The following JAM2 variants were observed in gnomAD, a reference collection of about 807,000 sequenced individuals.
JAM2 encodes the protein junctional adhesion molecule B.
JAM2 carries 17 observed loss-of-function variants against 42.0 expected under a neutral mutation model. The observed-to-expected ratio is 0.40, with a 90% CI of 0.28 to 0.61. JAM2 has a LOEUF of 0.61. Among genes scored for constraint, JAM2 ranks in the 20% least tolerant of loss-of-function variants. The pLI, the probability that JAM2 is intolerant of heterozygous loss-of-function variation, is 0.37. For missense variants in JAM2, 319 were observed against 358.3 expected, an observed-to-expected ratio of 0.89 and a Z score of 0.89; for synonymous variants, 118 against 128.6, an observed-to-expected ratio of 0.92 and a Z score of 0.56.
At chr21:25,701,567 G>A (rs1166732637) in intron 5 of JAM2, among the ~76,000 whole-genome samples, 1 of 152,012 alleles carries the variant, frequency 6.6e-6, no homozygotes, top group Non-Finnish European at 1.5e-5. Context: ...CTTAGCTTTT[G>A]GTTGCTTTGA....
At chr21:25,654,302 A>G (rs897409787) in intron 1 of JAM2, among the ~76,000 whole-genome samples, 3 of 152,196 alleles carry the variant, frequency 2.0e-5, no homozygotes, top group Admixed American at 1.3e-4. Context: ...TTTACAATGG[A>G]AGGATCAGTC....
intron 1 of JAM2, among the ~76,000 whole-genome samples, chr21:25,647,259 G>A (rs2032641360): frequency 6.6e-6 from 1 of 152,134 alleles, no homozygotes; most frequent in Non-Finnish European, 1.5e-5. Context: ...CAAGAAATAA[G>A]TCTCCTTTCC....
At chr21:25,644,700 C>T (rs531219848) in intron 1 of JAM2, among the ~76,000 whole-genome samples, 2 of 152,282 alleles carry the variant, frequency 1.3e-5, no homozygotes, top group East Asian at 3.9e-4. Context: ...ATGTGGACAT[C>T]TTTGTGGGGC....
chr21:25,700,105 C>T (rs946594794), intron 5 of JAM2, among the ~76,000 whole-genome samples: 6 of 152,040 alleles, frequency 3.9e-5, no homozygotes, highest in Non-Finnish European at 8.8e-5. Context: ...ATACTGATGA[C>T]AATCTATAAG....
At chr21:25,667,480 A>G (rs1385793093) in intron 1 of JAM2, among the ~76,000 whole-genome samples, 1 of 152,218 alleles carries the variant, frequency 6.6e-6, no homozygotes, top group African/African-American at 2.4e-5. Context: ...CATTCACATA[A>G]TTCTTATTCA....
intron 4 of JAM2, among the ~76,000 whole-genome samples, chr21:25,696,697 C>T (rs113010377): frequency 2.0e-5 from 3 of 152,218 alleles, no homozygotes; most frequent in African/African-American, 7.2e-5. Context: ...TGTTTCCAGG[C>T]TCATTCTTGG....
intron 5 of JAM2, among the ~76,000 whole-genome samples, chr21:25,701,896 G>A (rs377689674): frequency 6.7e-6 from 1 of 150,274 alleles, no homozygotes; most frequent in Non-Finnish European, 1.5e-5. Context: ...AACACTCATT[G>A]CCTTCCTAAC....
At chr21:25,687,231 G>A (rs1475237075) in intron 2 of JAM2, among the ~76,000 whole-genome samples, 2 of 149,566 alleles carry the variant, frequency 1.3e-5, no homozygotes, top group African/African-American at 4.9e-5. Flanking sequence ...ATGTAAGGTG[G>A]TGCCATGTGC....
intron 1 of JAM2, among the ~76,000 whole-genome samples, chr21:25,681,282 C>A (rs960204025): frequency 6.6e-6 from 1 of 152,126 alleles, no homozygotes; most frequent in African/African-American, 2.4e-5. Context: ...TAAAGACATA[C>A]CCGAGACTGG....
At chr21:25,705,592 G>C (rs1194603057) in intron 6 of JAM2, among the ~76,000 whole-genome samples, 1 of 152,118 alleles carries the variant, frequency 6.6e-6, no homozygotes, top group Non-Finnish European at 1.5e-5. Context: ...TGACACAGTT[G>C]ATGATGTAGG....
intron 1 of JAM2, among the ~76,000 whole-genome samples, chr21:25,655,483 C>CT (rs35503919): frequency 0.15 from 20,128 of 129,904 alleles, 2,652 homozygotes; most frequent in African/African-American, 0.36. Context: ...AACATCAGCT[C>CT]TTTTTTTTTT....
In JAM2 at chr21:25,693,844, A is replaced by T. The variant is rs764021326; in HGVS notation, c.330A>T (p.Glu110Asp). The T allele has an allele frequency of 1.2e-6, 2 of 1,614,184 alleles. No individual in the cohort carries two copies. Among genetic ancestry groups the T allele is most frequent in the Non-Finnish European group, 1.7e-6 (2 of 1,179,992 alleles). The change falls in exon 4 of 10, where the codon GAA becomes GAT. Residue 110 changes from glutamate to aspartate, a missense_variant. Physicochemically the swap from Glu to Asp is conservative, Grantham distance 45. Transcript: ENST00000480456. ...GTGATGCGGGGAAATATCGTTGTGA[A>T]GTTAGTGCCCCATCTGAGCAAGGCC... is the stretch of plus-strand genomic sequence containing the variant. ...TRSDAGKYRC[E>D]VSAPSEQGQN...
intron 1 of JAM2, among the ~76,000 whole-genome samples, chr21:25,682,064 C>T (rs996293632): frequency 6.6e-6 from 1 of 152,228 alleles, no homozygotes; most frequent in Non-Finnish European, 1.5e-5. Flanking sequence ...CTGGACTTTT[C>T]TCATTAGTAT....
At chr21:25,659,063 C>T (rs944463248) in intron 1 of JAM2, among the ~76,000 whole-genome samples, 1 of 152,262 alleles carries the variant, frequency 6.6e-6, no homozygotes, top group African/African-American at 2.4e-5. Flanking sequence ...CAATATTAAC[C>T]TGAAGGGTAA....
chr21:25,697,315 C>T lies in JAM2; in HGVS notation c.395-1362C>T, dbSNP rs1374666788. ...TTTCCAAAATCTTTCTACTACAGTA[C>T]CTAGATTAGTGTTTGATTGAATAAC... On this transcript the variant is annotated intron_variant, in intron 4 of 9. Coordinates refer to ENST00000480456, the MANE Select transcript of JAM2 (RefSeq NM_021219.4). Among the ~76,000 whole-genome samples, 16 of 151,972 alleles carry T rather than the reference C, an allele frequency of 1.1e-4. 1 individual carries two copies. Among genetic ancestry groups the T allele is most frequent in the Admixed American group, 9.8e-4 (15 of 15,258 alleles).
intron 6 of JAM2, among the ~76,000 whole-genome samples, chr21:25,703,389 T>G (rs1281265817): frequency 1.3e-5 from 2 of 152,242 alleles, no homozygotes; most frequent in Non-Finnish European, 2.9e-5. Flanking sequence ...TTGAACATGA[T>G]TCTCACATAT....
chr21:25,654,291 C>A (rs138497593), intron 1 of JAM2, among the ~76,000 whole-genome samples: 210 of 152,246 alleles, frequency 1.4e-3, no homozygotes, highest in African/African-American at 5.0e-3. Flanking sequence ...TTGATTGGAG[C>A]TTTACAATGG....
At position 25,689,843 on chromosome 21, in the gene JAM2, AGTATTTTTATT is replaced by A. The variant is rs2033836445; in HGVS notation, c.134-20_134-10del. The A allele has an allele frequency of 7.0e-7, 1 of 1,434,264 alleles. No individual in the cohort carries two copies. Among genetic ancestry groups the A allele is most frequent in the African/African-American group, 1.4e-5 (1 of 70,806 alleles). The allele number at this position is 1,434,264 out of a possible 1,614,324, so 88.8% of individuals were successfully genotyped here. ...AATTCATGGGGACAATTAGAAAACA[AGTATTTTTATT>A]GTTGTTCCTAGAGGCTATTTTAGCC... is the stretch of plus-strand genomic sequence containing the variant. On this transcript the variant is annotated splice_polypyrimidine_tract_variant and intron_variant, in intron 2 of 9. Transcript: ENST00000480456.
rs1219514896 is a variant in JAM2, at chr21:25,714,955, AC to A, written c.*284del. 1 of 273,566 alleles carries A rather than the reference AC, an allele frequency of 3.7e-6. No homozygotes were observed. Among genetic ancestry groups the A allele is most frequent in the African/African-American group, 2.2e-5 (1 of 45,472 alleles). 16.9% of individuals were successfully genotyped at this position (273,566 alleles called of 1,614,324 possible). A position where few individuals can be genotyped will look rare whatever the true frequency, so the allele number is the denominator to read the frequency against. ...TTTGGGAAATGTTAACCACGTCCTA[AC>A]TTCTAGAGAACGTTACTAAAATATA... is the stretch of plus-strand genomic sequence containing the variant. On this transcript the variant is annotated 3_prime_UTR_variant, in exon 10 of 10. Coordinates refer to ENST00000480456, the MANE Select transcript of JAM2 (RefSeq NM_021219.4).
Sources: allele counts gnomAD v4.1 joint callset (sites outside exome capture counted in the v4.1 genomes callset), GRCh38; gene constraint gnomAD v4.1.1; transcripts MANE v1.5; gene names NCBI Gene and HGNC (gene_info 2026-07-23, HGNC 2026-07-21).